BZW2: variants seen among roughly 807,000 people sequenced by gnomAD.
The protein encoded by BZW2 is basic leucine zipper and W2 domains 2.
BZW2 carries 23 observed loss-of-function variants against 53.2 expected under a neutral mutation model. The ratio of observed to expected loss-of-function variants is 0.43; its 90% CI spans 0.31 to 0.61. The LOEUF (loss-of-function observed/expected upper bound fraction) is 0.61. Ranked by LOEUF, BZW2 falls within the 20% of genes least tolerant of loss-of-function variation. The pLI is 0.09. For synonymous variants in BZW2, 227 were observed against 186.4 expected (o/e 1.22, Z -1.77); for missense variants, 409 against 503.1 (o/e 0.81, Z 1.79).
chr7:16,689,765 A>G, intron 6 of BZW2, 32 bp from the exon 7 acceptor site: 3 of 1,566,530 alleles, frequency 1.9e-6, no homozygotes, highest in Non-Finnish European at 1.7e-6. Flanking sequence ...TTGCTCGTAA[A>G]AGGAATGAAA....
Position 16,706,095 on chromosome 7 carries a change from C to A in BZW2, c.*7C>A. On this transcript the variant is annotated 3_prime_UTR_variant, in exon 12 of 12. Transcript: ENST00000258761. ...GGAAGGTGAGGAAAATTAAATGGCT[C>A]AACAAGCACAATACCTAGGTTACCA... 1.1e-5 allele frequency: 18 copies of A among 1,613,048 alleles called. No individual in the cohort carries two copies. Among genetic ancestry groups the A allele is most frequent in the Non-Finnish European group, 1.4e-5 (17 of 1,179,472 alleles).
At chr7:16,649,440 C>G (rs1200448605) in intron 1 of BZW2, among the ~76,000 whole-genome samples, 1 of 152,212 alleles carries the variant, frequency 6.6e-6, no homozygotes, top group Non-Finnish European at 1.5e-5. Context: ...TTTTGGATCT[C>G]AAGCTTCTTG....
intron 1 of BZW2, among the ~76,000 whole-genome samples, chr7:16,657,893 G>C (rs1023703246): frequency 6.6e-6 from 1 of 152,108 alleles, no homozygotes; most frequent in Non-Finnish European, 1.5e-5. Flanking sequence ...TCAGACCTAA[G>C]GGTCTTAACG....
chr7:16,660,812 A>G (rs75910526), intron 1 of BZW2, among the ~76,000 whole-genome samples: 4,959 of 152,190 alleles, frequency 0.033, 277 homozygotes, highest in African/African-American at 0.11. Flanking sequence ...AGACACTTCT[A>G]TTGGATACAA....
intron 7 of BZW2, among the ~76,000 whole-genome samples, chr7:16,694,487 G>C (rs866751652): frequency 6.6e-6 from 1 of 151,860 alleles, no homozygotes; most frequent in Non-Finnish European, 1.5e-5. Context: ...AAGCCACCAG[G>C]TCCCCTCCCA....
chr7:16,667,521 G>A (rs1316429861), intron 2 of BZW2, among the ~76,000 whole-genome samples: 1 of 152,198 alleles, frequency 6.6e-6, no homozygotes, highest in African/African-American at 2.4e-5. Flanking sequence ...GTGCTAAGCA[G>A]CCTGTGTTCT....
chr7:16,655,588 A>G (rs1782102855), intron 1 of BZW2, among the ~76,000 whole-genome samples: 2 of 152,196 alleles, frequency 1.3e-5, no homozygotes, highest in South Asian at 4.1e-4. Context: ...TAACTATAAT[A>G]ACTCTATTGT....
intron 7 of BZW2, 35 bp from the exon 8 acceptor site, chr7:16,694,799 G>A (rs1419237687): frequency 1.4e-6 from 2 of 1,448,030 alleles, no homozygotes; most frequent in African/African-American, 1.4e-5. Flanking sequence ...AATTTGAATG[G>A]CTTGTTTTAT....
intron 1 of BZW2, among the ~76,000 whole-genome samples, chr7:16,648,353 C>T (rs1781917579): frequency 6.6e-6 from 1 of 152,162 alleles, no homozygotes; most frequent in South Asian, 2.1e-4. Flanking sequence ...CAATATTATA[C>T]CCACTTTGCA....
At chr7:16,676,472 C>T (rs762285988) in intron 3 of BZW2, among the ~76,000 whole-genome samples, 13 of 151,474 alleles carry the variant, frequency 8.6e-5, no homozygotes, top group Non-Finnish European at 5.9e-5. Flanking sequence ...CTCTTGAATC[C>T]AGGAAGTGGA....
At chr7:16,648,387 A>G (rs1781918087) in intron 1 of BZW2, among the ~76,000 whole-genome samples, 1 of 152,222 alleles carries the variant, frequency 6.6e-6, no homozygotes, top group East Asian at 1.9e-4. Context: ...AAAGTAAGGG[A>G]AATAATTTGC....
intron 3 of BZW2, among the ~76,000 whole-genome samples, chr7:16,680,721 C>T (rs1319509589): frequency 6.6e-6 from 1 of 152,108 alleles, no homozygotes; most frequent in East Asian, 1.9e-4. Flanking sequence ...GCAGGAGGAT[C>T]ACTTGAGCAC....
At position 16,698,128 on chromosome 7, in the gene BZW2, C is replaced by T. The variant is rs749277154; in HGVS notation, c.1050C>T (p.Cys350=). 3.1e-6 allele frequency: 5 copies of T among 1,614,186 alleles called. No individual in the cohort carries two copies. The highest frequency in any genetic ancestry group is 4.2e-6 in the Non-Finnish European group (5 of 1,180,030). ...LILLQKVQEY[C]YDNIHFMKAF... is the part of the protein sequence containing the mutation. ...TCCTCCAGAAGGTTCAGGAATACTG[C>T]TACGACAACATCCATTTCATGAAAG... Residue 350 remains cysteine, a synonymous_variant, in exon 10 of 12, where the codon TGC becomes TGT. Transcript: ENST00000258761.
At chr7:16,687,562 A>T (rs533359777) in intron 6 of BZW2, 4 of 152,090 alleles carry the variant, frequency 2.6e-5, no homozygotes, top group Non-Finnish European at 5.9e-5. Flanking sequence ...TACAAAAAAA[A>T]ATTTAAAAAC....
At chr7:16,669,060 A>C (rs1782521041) in intron 2 of BZW2, among the ~76,000 whole-genome samples, 1 of 152,232 alleles carries the variant, frequency 6.6e-6, no homozygotes, top group African/African-American at 2.4e-5. Flanking sequence ...AAAAAGGCCA[A>C]ACTGCAGGCA....
chr7:16,666,402 T>G (rs1782428985), intron 2 of BZW2, among the ~76,000 whole-genome samples: 1 of 150,460 alleles, frequency 6.6e-6, no homozygotes, highest in South Asian at 2.1e-4. Context: ...TATTTATTTA[T>G]TTATTTATTT....
intron 2 of BZW2, among the ~76,000 whole-genome samples, chr7:16,666,153 G>C (rs1255535015): frequency 6.6e-6 from 1 of 151,996 alleles, no homozygotes; most frequent in East Asian, 1.9e-4. Context: ...GGAGTGCAGT[G>C]GTGTGATGAT....
intron 6 of BZW2, among the ~76,000 whole-genome samples, chr7:16,688,773 T>C (rs1008943340): frequency 9.2e-5 from 14 of 152,216 alleles, no homozygotes; most frequent in Non-Finnish European, 2.1e-4. Context: ...TATCTGATTA[T>C]TTCTATTTGG....
chr7:16,663,566 G>C (rs1342642475), intron 1 of BZW2, among the ~76,000 whole-genome samples: 1 of 151,684 alleles, frequency 6.6e-6, no homozygotes, highest in African/African-American at 2.4e-5. Flanking sequence ...AGGAAAATTT[G>C]GTACATAAAT....
Sources: gnomAD v4.1 joint callset for allele counts (sites outside exome capture counted in the v4.1 genomes callset) on GRCh38, gnomAD v4.1.1 for gene constraint, MANE v1.5 for transcripts, NCBI Gene and HGNC (gene_info 2026-07-23, HGNC 2026-07-21) for gene names.